The following RCAN1 variants were observed in gnomAD, a reference collection of about 807,000 sequenced individuals.
The protein encoded by RCAN1 is calcipressin-1.
Under a neutral mutation model 22.9 loss-of-function variants are expected in RCAN1, and 11 were observed. The ratio of observed to expected loss-of-function variants is 0.48; its 90% CI spans 0.30 to 0.79. The LOEUF (loss-of-function observed/expected upper bound fraction) is 0.79, where lower values mean the gene tolerates loss of function less well. Among genes scored for constraint, RCAN1 ranks in the 30% least tolerant of loss-of-function variants. RCAN1 has a pLI of 0.06. For synonymous variants in RCAN1, 136 were observed against 142.3 expected, an observed-to-expected ratio of 0.96 and a Z score of 0.32; for missense variants, 291 against 337.8, an observed-to-expected ratio of 0.86 and a Z score of 1.09.
At chr21:34,573,014 G>T (rs886536756) in intron 1 of RCAN1, among the ~76,000 whole-genome samples, 1 of 152,124 alleles carries the variant, frequency 6.6e-6, no homozygotes, top group African/African-American at 2.4e-5. Context: ...GATTTGGATG[G>T]GGACACAGAG....
intron 1 of RCAN1, among the ~76,000 whole-genome samples, chr21:34,546,452 G>A (rs1259578063): frequency 6.8e-6 from 1 of 146,316 alleles, no homozygotes; most frequent in Admixed American, 6.9e-5. Context: ...TAATTTACTT[G>A]TACAATTAAA....
chr21:34,519,689 G>A (rs535396888), intron 3 of RCAN1, among the ~76,000 whole-genome samples: 148 of 152,090 alleles, frequency 9.7e-4, no homozygotes, highest in Middle Eastern at 6.8e-3. Flanking sequence ...GAGCCACCGC[G>A]CCCGGCCTGT....
chr21:34,601,897 T>C (rs564804554), intron 1 of RCAN1, among the ~76,000 whole-genome samples: 4 of 151,280 alleles, frequency 2.6e-5, no homozygotes, highest in South Asian at 4.2e-4. Context: ...TGTGTAGGTA[T>C]AGACACCTTC....
chr21:34,546,781 G>T (rs945835740), intron 1 of RCAN1, among the ~76,000 whole-genome samples: 1 of 152,166 alleles, frequency 6.6e-6, no homozygotes, highest in African/African-American at 2.4e-5. Flanking sequence ...TTTACAAGAA[G>T]CATTCAATTC....
At chr21:34,520,087 T>C (rs1984388472) in intron 3 of RCAN1, among the ~76,000 whole-genome samples, 1 of 152,092 alleles carries the variant, frequency 6.6e-6, no homozygotes, top group South Asian at 2.1e-4. Context: ...ATTTGCAAAA[T>C]CTCCGCAATC....
chr21:34,609,080 T>A (rs1312850706), intron 1 of RCAN1, among the ~76,000 whole-genome samples: 1 of 152,222 alleles, frequency 6.6e-6, no homozygotes, highest in Admixed American at 6.5e-5. Context: ...TTACACAACA[T>A]GAAGCCAACC....
At chr21:34,596,866 G>T (rs941340399) in intron 1 of RCAN1, among the ~76,000 whole-genome samples, 3 of 152,234 alleles carry the variant, frequency 2.0e-5, no homozygotes, top group Non-Finnish European at 4.4e-5. Flanking sequence ...CACTAGGGAA[G>T]GTGTCTGCGA....
At position 34,593,246 on chromosome 21, in the gene RCAN1, C is replaced by A. The variant is rs558569543; in HGVS notation, c.252+21514G>T. 3.9e-5 allele frequency among the ~76,000 whole-genome samples: 6 copies of A among 152,290 alleles called. No individual in the cohort carries two copies. The South Asian group carries it at 1.2e-3, about 32-fold the overall frequency. ...ATAGTGAAGCACCAATACTTTTCATCAAAAATGTTCAAGTATTGGCAATTT... is the reference window on the plus strand; with the variant it reads ...ATAGTGAAGCACCAATACTTTTCATAAAAAATGTTCAAGTATTGGCAATTT... On this transcript the variant is annotated intron_variant, in intron 1 of 3. Transcript: ENST00000313806.
intron 1 of RCAN1, among the ~76,000 whole-genome samples, chr21:34,544,106 T>C (rs1161899671): frequency 1.3e-5 from 2 of 152,232 alleles, no homozygotes; most frequent in African/African-American, 4.8e-5. Flanking sequence ...GCTGCCTTAC[T>C]TGGCAACTTG....
At position 34,517,930 on chromosome 21, in the gene RCAN1, A is replaced by G. The variant is rs1009331760; in HGVS notation, c.*154T>C. The G allele has an allele frequency of 1.2e-6, 1 of 848,352 alleles. No individual in the cohort carries two copies. The highest frequency in any genetic ancestry group is 1.7e-5 in the African/African-American group (1 of 58,942). The allele number at this position is 848,352 out of a possible 1,614,324, so 52.6% of individuals were successfully genotyped here. On this transcript the variant is annotated 3_prime_UTR_variant, in exon 4 of 4. Coordinates refer to ENST00000313806, the MANE Select transcript of RCAN1 (RefSeq NM_004414.7). The stretch of plus-strand genomic sequence containing the variant: ...TGGTGTGCAGCATTAGAACAAGGGG[A>G]CACGGCCTTGATTCTCTTCTGAGCA...
chr21:34,603,458 G>A (rs1456496948), intron 1 of RCAN1, among the ~76,000 whole-genome samples: 4 of 152,198 alleles, frequency 2.6e-5, no homozygotes, highest in African/African-American at 4.8e-5. Flanking sequence ...GGAGAATTAA[G>A]TGGGCAGAGT....
chr21:34,574,679 G>A (rs1212867898), intron 1 of RCAN1, among the ~76,000 whole-genome samples: 1 of 152,204 alleles, frequency 6.6e-6, no homozygotes, highest in African/African-American at 2.4e-5. Context: ...TGCCATTCAA[G>A]AAAGTCAGAT....
chr21:34,611,074 A>C (rs1247535233), intron 1 of RCAN1, among the ~76,000 whole-genome samples: 1 of 152,214 alleles, frequency 6.6e-6, no homozygotes, highest in Non-Finnish European at 1.5e-5. Flanking sequence ...ACTGCTTGGA[A>C]ATGAACGGAA....
intron 1 of RCAN1, among the ~76,000 whole-genome samples, chr21:34,591,392 C>G (rs1987968179): frequency 6.6e-6 from 1 of 152,086 alleles, no homozygotes; most frequent in Non-Finnish European, 1.5e-5. Context: ...AAGTGAGGAG[C>G]CAAGACCTAA....
In RCAN1 at chr21:34,523,594, C is replaced by G. The variant is rs774185407; in HGVS notation, c.369G>C (p.Arg123Ser). ...FSNPFSAADA[R>S]LQLHKTEFLG... is the part of the protein sequence containing the mutation. ...GAAACTCAGTCTTATGCAGCTGGAG[C>G]CTGGCATCTGCTGCGGAGAAGGGGT... The change falls in exon 2 of 4, where the codon AGG becomes AGC. Residue 123 changes from arginine to serine, a missense_variant. Physicochemically the swap from Arg to Ser is moderately radical, Grantham distance 110. Transcript: ENST00000313806. 1 of 1,614,118 alleles carries G rather than the reference C, an allele frequency of 6.2e-7. No homozygotes were observed. Among genetic ancestry groups the G allele is most frequent in the Admixed American group, 1.7e-5 (1 of 60,010 alleles).
intron 1 of RCAN1, among the ~76,000 whole-genome samples, chr21:34,590,196 C>T (rs1438835229): frequency 6.6e-6 from 1 of 152,196 alleles, no homozygotes; most frequent in Non-Finnish European, 1.5e-5. Context: ...TCAGAGCGGC[C>T]CTCCAGGGCC....
At chr21:34,538,395 T>A (rs1328912562) in intron 1 of RCAN1, among the ~76,000 whole-genome samples, 1 of 152,144 alleles carries the variant, frequency 6.6e-6, no homozygotes, top group Non-Finnish European at 1.5e-5. Flanking sequence ...GGCTCCTCCA[T>A]CCTGAGGGAG....
At chr21:34,547,324 C>T (rs538879985) in intron 1 of RCAN1, among the ~76,000 whole-genome samples, 1 of 152,276 alleles carries the variant, frequency 6.6e-6, no homozygotes, top group South Asian at 2.1e-4. Flanking sequence ...TTCCCCTCAC[C>T]TTTCTCCCCC....
chr21:34,563,754 C>CAAA (rs58299654), intron 1 of RCAN1, among the ~76,000 whole-genome samples: 14 of 44,310 alleles, frequency 3.2e-4, no homozygotes, highest in African/African-American at 7.9e-4. Flanking sequence ...CTAAAAATAC[C>CAAA]AAAAAAAAAA....
Sources: allele counts gnomAD v4.1 joint callset (sites outside exome capture counted in the v4.1 genomes callset), GRCh38; gene constraint gnomAD v4.1.1; transcripts MANE v1.5; gene names NCBI Gene and HGNC (gene_info 2026-07-23, HGNC 2026-07-21).